UNKL: variants seen among roughly 807,000 people sequenced by gnomAD.
The protein encoded by UNKL is unk like zinc finger.
UNKL carries 60 observed loss-of-function variants against 78.0 expected under a neutral mutation model. The ratio of observed to expected loss-of-function variants is 0.77; its 90% CI spans 0.63 to 0.95. The LOEUF is 0.95. UNKL is among the 40% of genes least tolerant of loss of function. The pLI is 0.00. For synonymous variants in UNKL, 608 were observed against 474.8 expected, an observed-to-expected ratio of 1.28 and a Z score of -3.65; for missense variants, 1,159 against 1,045.7, an observed-to-expected ratio of 1.11 and a Z score of -1.49.
At chr16:1,393,416 A>C (rs1385546317) in intron 7 of UNKL, among the ~76,000 whole-genome samples, 1 of 150,562 alleles carries the variant, frequency 6.6e-6, no homozygotes, top group Non-Finnish European at 1.5e-5. Context: ...TCCAAACCCC[A>C]GGGCTGCCAG....
chr16:1,395,079 T>C (rs1327966732), intron 6 of UNKL, among the ~76,000 whole-genome samples: 1 of 151,938 alleles, frequency 6.6e-6, no homozygotes, highest in Non-Finnish European at 1.5e-5. Context: ...GGTTTCGCCA[T>C]GTTGGCCAGG....
chr16:1,411,261 G>GA (rs2038026624), intron 2 of UNKL, among the ~76,000 whole-genome samples: 1 of 152,164 alleles, frequency 6.6e-6, no homozygotes. Context: ...TGAAGTGGGA[G>GA]AATCACTTGA....
In UNKL at chr16:1,367,972, C is replaced by G. The variant is rs1367905837; in HGVS notation, c.1586-114G>C. 3.1e-6 allele frequency: 3 copies of G among 960,716 alleles called. No individual in the cohort carries two copies. The African/African-American group carries it at 4.9e-5, about 16-fold the overall frequency. The allele number at this position is 960,716 out of a possible 1,614,324, so 59.5% of individuals were successfully genotyped here. A position where few individuals can be genotyped will look rare whatever the true frequency, so the allele number is the denominator to read the frequency against. On this transcript the variant is annotated intron_variant, in intron 12 of 14. Coordinates refer to ENST00000389221, the MANE Select transcript of UNKL (RefSeq NM_001372107.1). The stretch of plus-strand genomic sequence containing the variant: ...TACGTGGGCACCCTCTGGGGCTCAC[C>G]TGCCCTGGCAGCAGGGGTGCAGCCA...
intron 8 of UNKL, among the ~76,000 whole-genome samples, chr16:1,392,636 T>C (rs958431757): frequency 6.6e-6 from 1 of 152,110 alleles, no homozygotes; most frequent in Non-Finnish European, 1.5e-5. Flanking sequence ...AGTTTCACCA[T>C]GTTGGCCAGG....
In UNKL at chr16:1,403,354, A is replaced by G. The variant is rs774705205; in HGVS notation, c.288-10T>C. ...GTGCAGGTAGGGACACCTGGGGAGC[A>G]GAGAGGCACGCAATGCCTGGTTATC... is the stretch of plus-strand genomic sequence containing the variant. On this transcript the variant is annotated splice_polypyrimidine_tract_variant and intron_variant, in intron 2 of 14. Transcript: ENST00000389221. The surrounding 1 kb of genome is among the most constrained non-coding windows in gnomAD (Gnocchi z 4.8). The G allele has an allele frequency of 5.0e-6, 8 of 1,613,316 alleles. No individual in the cohort carries two copies. Among genetic ancestry groups the G allele is most frequent in the Non-Finnish European group, 6.8e-6 (8 of 1,179,614 alleles).
Position 1,371,514 on chromosome 16 carries a change from C to T in UNKL, c.1357+5G>A. On this transcript the variant is annotated splice_donor_5th_base_variant and intron_variant, in intron 11 of 14. Transcript: ENST00000389221. ...AGCAGGGCCCCAGGTCCTCCCCACC[C>T]TCACCTGCTGCTCCCAGGTCGTGGC... 6.5e-7 allele frequency: 1 copy of T among 1,536,080 alleles called. No individual in the cohort carries two copies. The highest frequency in any genetic ancestry group is 8.7e-7 in the Non-Finnish European group (1 of 1,146,830).
At chr16:1,382,284 G>C (rs567211841) in intron 10 of UNKL, among the ~76,000 whole-genome samples, 43 of 152,358 alleles carry the variant, frequency 2.8e-4, no homozygotes, top group African/African-American at 8.9e-4. Context: ...GAGGCTCCGA[G>C]AGAAGATGAC....
intron 5 of UNKL, chr16:1,398,938 C>T: frequency 1.9e-6 from 3 of 1,547,560 alleles, no homozygotes; most frequent in Non-Finnish European, 2.6e-6. Context: ...GTCCCAGCTG[C>T]CAGCTGTGAA....
Position 1,399,992 on chromosome 16 carries a change from A to C in UNKL, c.599-483T>G, listed in dbSNP as rs886402336. Among the ~76,000 whole-genome samples, 1 of 152,188 alleles carries C rather than the reference A, an allele frequency of 6.6e-6. No individual in the cohort carries two copies. Among genetic ancestry groups the C allele is most frequent in the Non-Finnish European group, 1.5e-5 (1 of 68,032 alleles). On this transcript the variant is annotated intron_variant, in intron 4 of 14. Coordinates refer to ENST00000389221, the MANE Select transcript of UNKL (RefSeq NM_001372107.1). The surrounding 1 kb of genome is among the most constrained non-coding windows in gnomAD (Gnocchi z 5.8). ...CATCAGTGTGGGTTCACTGTTGGTAAAGAGCGTACCTCGCAGTGCAGGAGG... is the reference window on the plus strand; with the variant it reads ...CATCAGTGTGGGTTCACTGTTGGTACAGAGCGTACCTCGCAGTGCAGGAGG...
At chr16:1,389,721 A>G (rs2036964491) in intron 9 of UNKL, among the ~76,000 whole-genome samples, 1 of 152,268 alleles carries the variant, frequency 6.6e-6, no homozygotes, top group African/African-American at 2.4e-5. Flanking sequence ...AGGAGGCAGC[A>G]TCTGCACCCG....
chr16:1,379,753 A>G, intron 10 of UNKL: 1 of 839,692 alleles, frequency 1.2e-6, no homozygotes. Context: ...CCCCCGTCGC[A>G]CTGGCCACGC....
Position 1,365,632 on chromosome 16 carries a change from G to A in UNKL, c.*608C>T, listed in dbSNP as rs762684088. The A allele has an allele frequency of 1.3e-5, 2 of 152,586 alleles. No homozygotes were observed. Among genetic ancestry groups the A allele is most frequent in the Admixed American group, 6.5e-5 (1 of 15,274 alleles). The allele number at this position is 152,586 out of a possible 1,614,324, so 9.5% of individuals were successfully genotyped here. ...TACTATTTGCACTTAATTGGAAAAT[G>A]TAAAAATCCTAGGTCTTACTACTAG... On this transcript the variant is annotated 3_prime_UTR_variant, in exon 15 of 15. Transcript: ENST00000389221.
chr16:1,414,167 A>C, intron 1 of UNKL, 112 bp from the exon 2 acceptor site: 1 of 1,094,154 alleles, frequency 9.1e-7, no homozygotes, highest in Non-Finnish European at 1.3e-6. Context: ...GTCGACCCGT[A>C]CTCACATTCC....
At chr16:1,408,006 G>C (rs1167661946) in intron 2 of UNKL, among the ~76,000 whole-genome samples, 2 of 152,138 alleles carry the variant, frequency 1.3e-5, no homozygotes, top group East Asian at 3.9e-4. Context: ...TCCGGAGGCT[G>C]AGGCACGAGG....
At chr16:1,366,830 G>A (rs2141906598) in intron 14 of UNKL, among the ~76,000 whole-genome samples, 1 of 151,142 alleles carries the variant, frequency 6.6e-6, no homozygotes, top group Middle Eastern at 3.4e-3. Context: ...GGGGCCACGG[G>A]GAGCAGTGTG....
Position 1,387,152 on chromosome 16 carries a change from C to A in UNKL, c.1087-1767G>T, listed in dbSNP as rs1481116694. ...CTCCCAGCCATGCAGCACCGGGGAC[C>A]CTCCCAGCCATGCAGCACCGGGGAC... On this transcript the variant is annotated intron_variant, in intron 9 of 14. Transcript: ENST00000389221. This position sits in a 1 kb window ranked among gnomAD's most constrained non-coding sequence, Gnocchi z 4.1. 6.7e-6 allele frequency among the ~76,000 whole-genome samples: 1 copy of A among 149,226 alleles called. No homozygotes were observed. Among genetic ancestry groups the A allele is most frequent in the African/African-American group, 2.5e-5 (1 of 40,714 alleles).
intron 10 of UNKL, among the ~76,000 whole-genome samples, chr16:1,374,438 T>A (rs1179074001): frequency 6.6e-6 from 1 of 152,090 alleles, no homozygotes; most frequent in Non-Finnish European, 1.5e-5. Context: ...CCCTTCCTCC[T>A]GTCCTCACCT....
chr16:1,407,205 C>T (rs1219066943), intron 2 of UNKL: 1 of 151,276 alleles, frequency 6.6e-6, no homozygotes, highest in Non-Finnish European at 1.5e-5. Flanking sequence ...CAGATACAAG[C>T]AGCAACAGTT....
In UNKL at chr16:1,414,662, C is replaced by G. The variant is rs774725882; in HGVS notation, c.30G>C (p.Ala10=). 6 of 1,149,444 alleles carry G rather than the reference C, an allele frequency of 5.2e-6. No individual in the cohort carries two copies. The South Asian group carries it at 1.4e-4, about 26-fold the overall frequency. 71.2% of individuals were successfully genotyped at this position (1,149,444 alleles called of 1,614,324 possible). MPSVSKAAA[A]ALSGSPPQTE... ...TCTGCGGGGGGGACCCGCTCAGCGCCGCTGCCGCCGCTTTCGAAACCGACG... is the reference window on the plus strand; with the variant it reads ...TCTGCGGGGGGGACCCGCTCAGCGCGGCTGCCGCCGCTTTCGAAACCGACG... Residue 10 remains alanine (A), a synonymous_variant, in exon 1 of 15, where the codon GCG becomes GCC. Coordinates refer to ENST00000389221, the MANE Select transcript of UNKL (RefSeq NM_001372107.1).
Sources: allele counts gnomAD v4.1 joint callset (sites outside exome capture counted in the v4.1 genomes callset), GRCh38; gene constraint gnomAD v4.1.1; non-coding constraint Gnocchi (gnomAD v3.1); transcripts MANE v1.5; gene names NCBI Gene and HGNC (gene_info 2026-07-23, HGNC 2026-07-21).